The following LINGO1 variants were observed in gnomAD, a reference collection of about 807,000 sequenced individuals.
The protein encoded by LINGO1 is leucine-rich repeat and immunoglobulin-like domain-containing nogo receptor-interacting protein 1.
LINGO1 carries 11 observed loss-of-function variants against 37.3 expected under a neutral mutation model. That is an observed-to-expected ratio of 0.29 (90% CI 0.19 to 0.49). The LOEUF (loss-of-function observed/expected upper bound fraction) is 0.49, where lower values mean the gene tolerates loss of function less well. LINGO1 is among the 20% of genes least tolerant of loss of function. The pLI is 0.99. For missense variants in LINGO1, 585 were observed against 878.2 expected (o/e 0.67, Z 4.22); for synonymous variants, 387 against 403.0 (o/e 0.96, Z 0.48).
At chr15:77,737,205 T>C (rs1425946062) in intron 1 of LINGO1, among the ~76,000 whole-genome samples, 3 of 152,242 alleles carry the variant, frequency 2.0e-5, no homozygotes, top group African/African-American at 7.2e-5. Flanking sequence ...TGTACTGATC[T>C]GCAACTGTCC....
At chr15:77,771,240 A>G (rs925564141) in intron 1 of LINGO1, among the ~76,000 whole-genome samples, 2 of 152,158 alleles carry the variant, frequency 1.3e-5, no homozygotes, top group African/African-American at 2.4e-5. Context: ...ACCACTTTTG[A>G]GCACTGACTA....
upstream of LINGO1, among the ~76,000 whole-genome samples, chr15:77,636,691 G>C (rs1409411959): frequency 1.3e-5 from 2 of 152,098 alleles, no homozygotes; most frequent in Non-Finnish European, 2.9e-5. Context: ...GGTTGCCCTG[G>C]GGGGGTCTCT....
rs111612797 is a variant in LINGO1 at position 77,737,186 on chromosome 15, T to C, written c.-256-2133A>G. 3.1e-3 allele frequency among the ~76,000 whole-genome samples: 476 copies of C among 152,332 alleles called. 2 individuals are homozygous for C. The highest frequency in any genetic ancestry group is 9.8e-3 in the African/African-American group (409 of 41,586). On this transcript the variant is annotated intron_variant, in intron 1 of 3. Coordinates refer to the LINGO1 transcript ENST00000561686. ...ATACTTGCTGCCAAGTTGACCTCCA[T>C]AAAACATCTGTACTGATCTGCAACT...
At chr15:77,774,430 C>T (rs1398925777) in intron 1 of LINGO1, among the ~76,000 whole-genome samples, 2 of 152,250 alleles carry the variant, frequency 1.3e-5, no homozygotes, top group East Asian at 1.9e-4. Flanking sequence ...CCACTCCCAG[C>T]CCCCAGACAC....
chr15:77,667,264 C>A (rs571199499), intron 3 of LINGO1, among the ~76,000 whole-genome samples: 1 of 152,292 alleles, frequency 6.6e-6, no homozygotes, highest in African/African-American at 2.4e-5. Context: ...AGGAGCAGAG[C>A]ATAGGGCTGA....
In LINGO1 at chr15:77,655,545, C is replaced by T. The variant is rs576536941; in HGVS notation, c.-13+21544G>A. On this transcript the variant is annotated intron_variant, in intron 3 of 3. Transcript: ENST00000559893. ...TGTGTCCCCAGTGGATGCCGGCAAC[C>T]GTGACCTGGGTGACCATACCAATAG... 1.1e-4 allele frequency among the ~76,000 whole-genome samples: 17 copies of T among 152,078 alleles called. No individual in the cohort carries two copies. In the South Asian group the frequency reaches 3.1e-3, roughly 28 times the overall value.
chr15:77,806,652 A>G (rs1041699993), intron 1 of LINGO1, among the ~76,000 whole-genome samples: 2 of 152,136 alleles, frequency 1.3e-5, no homozygotes, highest in African/African-American at 4.8e-5. Context: ...CGACCATAGC[A>G]GCAGAGGCCT....
At chr15:77,690,579 A>G (rs2075586279) in intron 2 of LINGO1, 2 of 152,208 alleles carry the variant, frequency 1.3e-5, no homozygotes, top group South Asian at 4.1e-4. Flanking sequence ...GGTTTGTTTT[A>G]GTTTTTGTAC....
intron 3 of LINGO1, among the ~76,000 whole-genome samples, chr15:77,663,695 C>T (rs1214461331): frequency 6.6e-6 from 1 of 152,188 alleles, no homozygotes; most frequent in South Asian, 2.1e-4. Context: ...CGTGGGGGTG[C>T]GCTTACACGC....
upstream of LINGO1, among the ~76,000 whole-genome samples, chr15:77,791,067 C>T (rs1049238086): frequency 2.6e-5 from 4 of 152,134 alleles, no homozygotes; most frequent in African/African-American, 9.7e-5. Context: ...TCTGGGTGGA[C>T]CCCAGATGAT....
Position 77,771,381 on chromosome 15 carries a change from G to A in LINGO1, c.-257+15488C>T, listed in dbSNP as rs572302085. Among the ~76,000 whole-genome samples the A allele has an allele frequency of 5.3e-5, 8 of 152,320 alleles. No homozygotes were observed. The South Asian group carries it at 1.7e-3, about 32-fold the overall frequency. Reference sequence around the variant, plus strand: ...TCCCCAGTGATAAGGGCCAGGGCTGGGCTCTGACTCCGGCACATTGATGTG... The same window carrying A: ...TCCCCAGTGATAAGGGCCAGGGCTGAGCTCTGACTCCGGCACATTGATGTG... On this transcript the variant is annotated intron_variant, in intron 1 of 3. Coordinates refer to the LINGO1 transcript ENST00000561686.
At chr15:77,663,587 T>A (rs1449965911) in intron 3 of LINGO1, among the ~76,000 whole-genome samples, 1 of 152,120 alleles carries the variant, frequency 6.6e-6, no homozygotes, top group Non-Finnish European at 1.5e-5. Flanking sequence ...AGAAACCCCT[T>A]CCCACCTCTG....
chr15:77,764,197 G>A (rs1249468083), intron 1 of LINGO1, among the ~76,000 whole-genome samples: 1 of 152,158 alleles, frequency 6.6e-6, no homozygotes, highest in South Asian at 2.1e-4. Flanking sequence ...GTGCACCTGG[G>A]ATGCCTGTCA....
intron 2 of LINGO1, among the ~76,000 whole-genome samples, chr15:77,732,611 AT>A (rs1254405952): frequency 1.3e-5 from 2 of 152,194 alleles, no homozygotes; most frequent in Non-Finnish European, 2.9e-5. Context: ...TAGGCTTCAC[AT>A]GTGCAGTCCC....
rs547418510 is a variant in LINGO1 at position 77,752,299 on chromosome 15, G to C, written c.-256-17246C>G. Reference sequence around the variant, plus strand: ...CTCAGCCAGCGACAGGAGCCTAACAGTAAAGACTTTTGTCCTAAAAGTAGG... The same window carrying C: ...CTCAGCCAGCGACAGGAGCCTAACACTAAAGACTTTTGTCCTAAAAGTAGG... On this transcript the variant is annotated intron_variant, in intron 1 of 3. Coordinates refer to the LINGO1 transcript ENST00000561686. Among the ~76,000 whole-genome samples, 4 of 152,358 alleles carry C rather than the reference G, an allele frequency of 2.6e-5. No individual in the cohort carries two copies. In the East Asian group the frequency reaches 5.8e-4, roughly 22 times the overall value.
rs1377295266 is a variant in LINGO1, at chr15:77,632,839, C to T, written c.-524G>A. 6.7e-6 allele frequency among the ~76,000 whole-genome samples: 1 copy of T among 149,212 alleles called. No individual in the cohort carries two copies. The highest frequency in any genetic ancestry group is 1.5e-5 in the Non-Finnish European group (1 of 66,996). On this transcript the variant is annotated 5_prime_UTR_variant, in exon 1 of 2. Coordinates refer to ENST00000355300, the MANE Select transcript of LINGO1 (RefSeq NM_032808.7). The surrounding 1 kb of genome is among the most constrained non-coding windows in gnomAD (Gnocchi z 6.0). ...CGCCGCCGCCGCCTGCGCTGTCGCC[C>T]GCCGCCCGCTCCGGCTCCCGCGCCG...
intron 1 of LINGO1, among the ~76,000 whole-genome samples, chr15:77,800,688 A>C (rs1181272880): frequency 1.3e-5 from 2 of 152,262 alleles, no homozygotes; most frequent in Admixed American, 1.3e-4. Context: ...AGAAGCCATA[A>C]AGTGAAAATT....
At chr15:77,668,302 A>C (rs1443520798) in intron 3 of LINGO1, among the ~76,000 whole-genome samples, 1 of 152,202 alleles carries the variant, frequency 6.6e-6, no homozygotes, top group Non-Finnish European at 1.5e-5. Flanking sequence ...GGTGGAAATC[A>C]AACAAACACT....
chr15:77,613,785 C>T lies in LINGO1; in HGVS notation c.*259G>A, dbSNP rs977776336. ...TTGAATTATTGACTCTGCCGCGTGTCGGTTCGTCGGCTTTCAACTCCAGTC... is the reference window on the plus strand; with the variant it reads ...TTGAATTATTGACTCTGCCGCGTGTTGGTTCGTCGGCTTTCAACTCCAGTC... On this transcript the variant is annotated 3_prime_UTR_variant, in exon 2 of 2. Coordinates refer to ENST00000355300, the MANE Select transcript of LINGO1 (RefSeq NM_032808.7). 12 of 474,628 alleles carry T rather than the reference C, an allele frequency of 2.5e-5. No individual in the cohort carries two copies. The highest frequency in any genetic ancestry group is 4.1e-5 in the Non-Finnish European group (11 of 269,208). The allele number at this position is 474,628 out of a possible 1,614,324, so 29.4% of individuals were successfully genotyped here. A position where few individuals can be genotyped will look rare whatever the true frequency, so the allele number is the denominator to read the frequency against.
Sources: allele counts gnomAD v4.1 joint callset (sites outside exome capture counted in the v4.1 genomes callset), GRCh38; gene constraint gnomAD v4.1.1; non-coding constraint Gnocchi (gnomAD v3.1); transcripts MANE v1.5; gene names NCBI Gene and HGNC (gene_info 2026-07-23, HGNC 2026-07-21).